The following PMM2 variants were observed in gnomAD, a reference collection of about 807,000 sequenced individuals.
The protein encoded by PMM2 is phosphomannomutase 2.
Under a neutral mutation model 33.2 loss-of-function variants are expected in PMM2, and 35 were observed. That is an observed-to-expected ratio of 1.06 (90% confidence interval 0.81 to 1.40). PMM2 has a LOEUF of 1.40. PMM2 is among the 40% of genes most tolerant of loss of function. The pLI is 0.00. For missense variants in PMM2, 386 were observed against 306.0 expected (o/e 1.26, Z -1.95); for synonymous variants, 153 against 114.7 (o/e 1.33, Z -2.13).
At position 8,843,372 on chromosome 16, in the gene PMM2, GAGTC is replaced by G. The variant is rs1344829994; in HGVS notation, c.640-4345_640-4342del. Among the ~76,000 whole-genome samples the G allele has an allele frequency of 6.6e-5, 10 of 152,134 alleles. No individual in the cohort carries two copies. In the East Asian group the frequency reaches 7.7e-4, roughly 12 times the overall value. ...GTCAATCTTCAGCCGCTAAGCCAAGGAGTCAGTCAGAGAGCCTTGGGCCAGAGTT... is the reference window on the plus strand; with the variant it reads ...GTCAATCTTCAGCCGCTAAGCCAAGGAGTCAGAGAGCCTTGGGCCAGAGTT... On this transcript the variant is annotated intron_variant, in intron 7 of 7. Coordinates refer to ENST00000268261, the MANE Select transcript of PMM2 (RefSeq NM_000303.3).
rs757865122 is a variant in PMM2 at position 8,806,343 on chromosome 16, CT to C, written c.284del (p.Leu95GlnfsTer5). Reference sequence around the variant, plus strand: ...TATTCAAAGTCATCTGGGTGAGGCCCTAATCCAAGATTTAATCAACTACTGT... The same window carrying C: ...TATTCAAAGTCATCTGGGTGAGGCCCAATCCAAGATTTAATCAACTACTGT... ...QNIQSHLGEA[L>X]IQDLINYCLS... is the part of the protein sequence containing the mutation. On this transcript the variant is annotated frameshift_variant, in exon 4 of 8. Coordinates refer to ENST00000268261, the MANE Select transcript of PMM2 (RefSeq NM_000303.3). LOFTEE classifies it high-confidence loss of function. 1.6e-5 allele frequency: 25 copies of C among 1,610,408 alleles called. No individual in the cohort carries two copies. The highest frequency in any genetic ancestry group is 2.0e-5 in the Non-Finnish European group (24 of 1,176,652).
intron 7 of PMM2, among the ~76,000 whole-genome samples, chr16:8,838,289 C>T (rs369330272): frequency 5.3e-5 from 8 of 152,060 alleles, no homozygotes; most frequent in African/African-American, 1.4e-4. Flanking sequence ...ATGTCATCAG[C>T]TAAGGCTATT....
chr16:8,816,484 T>C (rs1261839894), intron 7 of PMM2, among the ~76,000 whole-genome samples: 1 of 151,818 alleles, frequency 6.6e-6, no homozygotes, highest in Admixed American at 6.6e-5. Context: ...CTCACACCTA[T>C]AATCCCAGCA....
At chr16:8,827,807 TATA>T in intron 7 of PMM2, among the ~76,000 whole-genome samples, 1 of 38,860 alleles carries the variant, frequency 2.6e-5, no homozygotes, top group African/African-American at 9.0e-5. Context: ...TACATATTTA[TATA>T]TTTATATAAT....
Position 8,820,180 on chromosome 16 carries a change from G to A in PMM2, c.639+7074G>A, listed in dbSNP as rs186575059. Among the ~76,000 whole-genome samples, 43 of 152,248 alleles carry A rather than the reference G, an allele frequency of 2.8e-4. No homozygotes were observed. The East Asian group carries it at 5.8e-3, about 21-fold the overall frequency. On this transcript the variant is annotated intron_variant, in intron 7 of 7. Coordinates refer to ENST00000268261, the MANE Select transcript of PMM2 (RefSeq NM_000303.3). ...CCATTGCACTCCAGGCTGGGCAACAGAGTGAAATTCTGTCTCAATAAACAA... is the reference window on the plus strand; with the variant it reads ...CCATTGCACTCCAGGCTGGGCAACAAAGTGAAATTCTGTCTCAATAAACAA...
chr16:8,847,585 C>G (rs2060935630), intron 7 of PMM2, 139 bp from the exon 8 acceptor site: 3 of 705,804 alleles, frequency 4.3e-6, no homozygotes, highest in Non-Finnish European at 7.8e-6. Context: ...CTCCTGGAAA[C>G]TAAGAGGAAG....
rs139740574 is a variant in PMM2, at chr16:8,840,492, G to C, written c.640-7232G>C. On this transcript the variant is annotated intron_variant, in intron 7 of 7. Transcript: ENST00000268261. The stretch of plus-strand genomic sequence containing the variant: ...GATAGTAGGGATGACTAGTTTTTTG[G>C]GGCTCGGCCTAAGTGGTGGGGGTGA... 3.3e-3 allele frequency among the ~76,000 whole-genome samples: 497 copies of C among 152,078 alleles called. 7 individuals carry two copies. The highest frequency in any genetic ancestry group is 0.011 in the African/African-American group (460 of 41,514).
chr16:8,828,779 CAG>C (rs990157406), intron 7 of PMM2, among the ~76,000 whole-genome samples: 5 of 152,184 alleles, frequency 3.3e-5, no homozygotes, highest in African/African-American at 9.7e-5. Flanking sequence ...CTCTCCATGA[CAG>C]AGGATGCAGC....
chr16:8,817,254 G>C (rs2060713445), intron 7 of PMM2, among the ~76,000 whole-genome samples: 1 of 152,186 alleles, frequency 6.6e-6, no homozygotes, highest in South Asian at 2.1e-4. Flanking sequence ...TCCTTTTGTT[G>C]AAATGCTTTT....
Position 8,804,026 on chromosome 16 carries a change from T to G in PMM2, c.179-741T>G, listed in dbSNP as rs1261448636. ...GCTTTGTTTTTTGTTTTTTGGGTTTTTTTTGTTTTTTTTTTTTTTTTTTTT... is the reference window on the plus strand; with the variant it reads ...GCTTTGTTTTTTGTTTTTTGGGTTTGTTTTGTTTTTTTTTTTTTTTTTTTT... On this transcript the variant is annotated intron_variant, in intron 2 of 7. Coordinates refer to ENST00000268261, the MANE Select transcript of PMM2 (RefSeq NM_000303.3). 3.4e-3 allele frequency among the ~76,000 whole-genome samples: 325 copies of G among 95,074 alleles called. 7 individuals carry two copies. The highest frequency in any genetic ancestry group is 0.018 in the African/African-American group (313 of 17,808). 62.4% of individuals were successfully genotyped at this position (95,074 alleles called of 152,430 possible).
chr16:8,847,528 G>C (rs1033363122), intron 7 of PMM2, 196 bp from the exon 8 acceptor site: 18 of 593,504 alleles, frequency 3.0e-5, no homozygotes, highest in Non-Finnish European at 5.2e-5. Context: ...TGCAGTTCAA[G>C]AGAAGGTTAT....
chr16:8,827,743 TATATATATATATATATATGCACAC>T (rs1351067156), intron 7 of PMM2, among the ~76,000 whole-genome samples: 5 of 54,160 alleles, frequency 9.2e-5, no homozygotes, highest in African/African-American at 3.4e-4. Context: ...TATATATATA[TATATATATATATATATATGCACAC>T]ATTTATATAT....
At chr16:8,844,983 T>G (rs2060915641) in intron 7 of PMM2, among the ~76,000 whole-genome samples, 1 of 152,192 alleles carries the variant, frequency 6.6e-6, no homozygotes, top group Middle Eastern at 3.2e-3. Context: ...GATAGGGGAT[T>G]GATCTCCCAA....
intron 7 of PMM2, among the ~76,000 whole-genome samples, chr16:8,816,585 TA>T (rs2060709918): frequency 6.6e-6 from 1 of 151,418 alleles, no homozygotes; most frequent in African/African-American, 2.4e-5. Flanking sequence ...CTACTAAAAA[TA>T]CAAAATTAGC....
intron 3 of PMM2, 118 bp downstream of exon 3, chr16:8,804,961 A>G (rs1407456701): frequency 2.9e-6 from 2 of 701,488 alleles, no homozygotes; most frequent in Non-Finnish European, 5.1e-6. Flanking sequence ...TTTACTCTGT[A>G]TTTTTTGTTT....
chr16:8,847,574 T>TC lies in PMM2; in HGVS notation c.640-149dup, dbSNP rs1240480566. On this transcript the variant is annotated intron_variant, in intron 7 of 7. Coordinates refer to ENST00000268261, the MANE Select transcript of PMM2 (RefSeq NM_000303.3). Reference sequence around the variant, plus strand: ...TTAATAACAATTGTACTCACGTTCCTCTCCTGGAAACTAAGAGGAAGGTAG... The same window carrying TC: ...TTAATAACAATTGTACTCACGTTCCTCCTCCTGGAAACTAAGAGGAAGGTAG... 13 of 684,344 alleles carry TC rather than the reference T, an allele frequency of 1.9e-5. No homozygotes were observed. The African/African-American group carries it at 2.3e-4, about 12-fold the overall frequency. 42.4% of individuals were successfully genotyped at this position (684,344 alleles called of 1,614,324 possible). A position where few individuals can be genotyped will look rare whatever the true frequency, so the allele number is the denominator to read the frequency against.
intron 4 of PMM2, chr16:8,807,625 G>A (rs2060654952): frequency 6.5e-6 from 1 of 152,706 alleles, no homozygotes; most frequent in Non-Finnish European, 1.5e-5. Flanking sequence ...CTCCTGAGTA[G>A]CTGGGACTAC....
intron 7 of PMM2, among the ~76,000 whole-genome samples, chr16:8,827,761 T>TATGC (rs1420748752): frequency 5.8e-5 from 4 of 69,170 alleles, no homozygotes; most frequent in Non-Finnish European, 1.1e-4. Context: ...TATATATATA[T>TATGC]GCACACATTT....
At chr16:8,843,265 G>C (rs1163800381) in intron 7 of PMM2, among the ~76,000 whole-genome samples, 1 of 152,056 alleles carries the variant, frequency 6.6e-6, no homozygotes, top group Non-Finnish European at 1.5e-5. Flanking sequence ...TTAAACAGTG[G>C]GTGGACTTAC....
Sources: gnomAD v4.1 joint callset for allele counts (sites outside exome capture counted in the v4.1 genomes callset) on GRCh38, gnomAD v4.1.1 for gene constraint, MANE v1.5 for transcripts, NCBI Gene and HGNC (gene_info 2026-07-23, HGNC 2026-07-21) for gene names.